The following TRDN variants were observed in gnomAD, a reference collection of about 807,000 sequenced individuals.
TRDN encodes the protein triadin in skeletal muscle.
Under a neutral mutation model 149.7 loss-of-function variants are expected in TRDN, and 161 were observed. That is an observed-to-expected ratio of 1.08 (90% CI 0.95 to 1.23). The LOEUF is 1.23. TRDN is among the 50% of genes most tolerant of loss of function. The pLI is 0.00. For synonymous variants in TRDN, 294 were observed against 250.5 expected (o/e 1.17, Z -1.64); for missense variants, 896 against 823.5 (o/e 1.09, Z -1.08).
At chr6:123,303,281 T>A (rs1036179796) in intron 24 of TRDN, among the ~76,000 whole-genome samples, 95 of 150,904 alleles carry the variant, frequency 6.3e-4, no homozygotes, top group South Asian at 2.1e-3. Flanking sequence ...AAACAGATTT[T>A]AAAAAAATTA....
intron 6 of TRDN, among the ~76,000 whole-genome samples, chr6:123,515,395 T>G (rs9372750): frequency 0.2 from 30,583 of 151,946 alleles, 3,995 homozygotes; most frequent in East Asian, 0.63. Flanking sequence ...TTAACTAGAT[T>G]ATCAGGAAAA....
intron 24 of TRDN, among the ~76,000 whole-genome samples, chr6:123,310,455 G>T (rs1778778219): frequency 6.6e-6 from 1 of 151,960 alleles, no homozygotes; most frequent in South Asian, 2.1e-4. Context: ...TGTACTTATT[G>T]CAAAATACTT....
At chr6:123,609,983 C>A (rs1010671663) in intron 1 of TRDN, among the ~76,000 whole-genome samples, 2 of 152,088 alleles carry the variant, frequency 1.3e-5, no homozygotes, top group Middle Eastern at 3.4e-3. Flanking sequence ...TACTAGAAGT[C>A]CTGAAATAAG....
intron 8 of TRDN, chr6:123,502,457 G>T: frequency 1.5e-6 from 1 of 669,158 alleles, no homozygotes; most frequent in Non-Finnish European, 1.8e-6. Flanking sequence ...AAGGTTTGTA[G>T]ATCACTAAAA....
chr6:123,530,506 C>A lies in TRDN; in HGVS notation c.484G>T (p.Val162Phe). ...EKPERKIQTK[V>F]THKEKEKGKE... ...AATAAACATAAAATGAAATGTTTAC[C>A]TTTAGTTTGTATTTTCCTTTCAGGT... The change falls in exon 5 of 41, where the codon GTT (valine) becomes TTT (phenylalanine). Residue 162 changes from valine (V) to phenylalanine (F), a missense_variant and splice_region_variant. Val to Phe is a conservative substitution (Grantham distance 50). Transcript: ENST00000334268. 8.0e-7 allele frequency: 1 copy of A among 1,245,076 alleles called. No homozygotes were observed. The highest frequency in any genetic ancestry group is 1.1e-6 in the Non-Finnish European group (1 of 931,064). 77.1% of individuals were successfully genotyped at this position (1,245,076 alleles called of 1,614,324 possible).
intron 38 of TRDN, among the ~76,000 whole-genome samples, chr6:123,237,306 G>A (rs1311685220): frequency 1.3e-5 from 2 of 151,992 alleles, no homozygotes; most frequent in Non-Finnish European, 2.9e-5. Flanking sequence ...CTGGAGTGCA[G>A]TGGCACAATC....
chr6:123,294,143 G>T (rs1778106677), intron 24 of TRDN, among the ~76,000 whole-genome samples: 1 of 152,138 alleles, frequency 6.6e-6, no homozygotes, highest in South Asian at 2.1e-4. Context: ...AGTGGATTCT[G>T]TAAAGTTAAT....
intron 28 of TRDN, 147 bp downstream of exon 28, chr6:123,273,190 A>G (rs1777261258): frequency 3.9e-6 from 3 of 773,832 alleles, no homozygotes; most frequent in Non-Finnish European, 5.8e-6. Flanking sequence ...ATTCTTATTT[A>G]CAAAATTTTT....
intron 5 of TRDN, among the ~76,000 whole-genome samples, chr6:123,519,463 T>G (rs963775383): frequency 7.4e-6 from 1 of 135,970 alleles, no homozygotes; most frequent in Non-Finnish European, 1.6e-5. Context: ...ATAATCTGCC[T>G]GACCCTGTGG....
chr6:123,634,420 G>T (rs1406708375), intron 1 of TRDN, among the ~76,000 whole-genome samples: 1 of 151,684 alleles, frequency 6.6e-6, no homozygotes, highest in Non-Finnish European at 1.5e-5. Flanking sequence ...CAATATGGGT[G>T]ACAGAGAAAA....
intron 22 of TRDN, among the ~76,000 whole-genome samples, chr6:123,332,791 G>C (rs1779710769): frequency 1.3e-5 from 2 of 151,990 alleles, no homozygotes; most frequent in African/African-American, 2.4e-5. Context: ...CAGAGACTGT[G>C]ATGGTGGTGC....
At chr6:123,451,164 G>A (rs1301433446) in intron 10 of TRDN, among the ~76,000 whole-genome samples, 2 of 151,798 alleles carry the variant, frequency 1.3e-5, no homozygotes, top group Non-Finnish European at 2.9e-5. Context: ...AGCAAAAATT[G>A]ACTTCTAAGG....
At chr6:123,512,237 T>C in intron 7 of TRDN, 66 bp downstream of exon 7, 1 of 941,702 alleles carries the variant, frequency 1.1e-6, no homozygotes, top group Non-Finnish European at 1.6e-6. Flanking sequence ...AACTATCTGT[T>C]ACCCAAAAAT....
In TRDN at chr6:123,366,160, C is replaced by A. The variant is rs1445909953; in HGVS notation, c.1296G>T (p.Glu432Asp). 1.9e-6 allele frequency: 3 copies of A among 1,612,844 alleles called. No individual in the cohort carries two copies. In the African/African-American group the frequency reaches 4.0e-5, roughly 22 times the overall value. The change falls in exon 20 of 41, where the codon GAG (glutamate) becomes GAT (aspartate). Residue 432 changes from glutamate to aspartate, a missense_variant. Physicochemically the swap from Glu to Asp is conservative, Grantham distance 45 (BLOSUM62 2). Transcript: ENST00000334268. ...VKAKTERAKE[E>D]IGAVSIKKAV... ...CTTTTTTAATTGAAACCGCACCAAT[C>A]TCCTCTTTGGCTCGTTCAGTTTCTG...
At chr6:123,465,782 C>G (rs1033175971) in intron 9 of TRDN, among the ~76,000 whole-genome samples, 47 of 152,146 alleles carry the variant, frequency 3.1e-4, no homozygotes, top group African/African-American at 1.1e-3. Context: ...CCATAAACTT[C>G]TGCTGTGTGT....
At chr6:123,571,903 C>A (rs1291569218) in intron 1 of TRDN, among the ~76,000 whole-genome samples, 2 of 151,926 alleles carry the variant, frequency 1.3e-5, no homozygotes, top group Non-Finnish European at 2.9e-5. Flanking sequence ...GTAATTTAAT[C>A]AAAAACTTTT....
intron 38 of TRDN, 106 bp downstream of exon 38, chr6:123,252,306 A>G (rs2114570405): frequency 8.7e-6 from 5 of 577,212 alleles, no homozygotes; most frequent in Non-Finnish European, 1.4e-5. Flanking sequence ...TCAGTTTAGA[A>G]TAAACTATAC....
intron 39 of TRDN, among the ~76,000 whole-genome samples, chr6:123,223,498 A>G (rs1030400831): frequency 5.9e-5 from 9 of 151,806 alleles, no homozygotes; most frequent in African/African-American, 2.2e-4. Flanking sequence ...TGAAAAAGCC[A>G]GGAACCTTTC....
chr6:123,265,263 T>C, intron 33 of TRDN, 55 bp downstream of exon 33: 1 of 1,287,586 alleles, frequency 7.8e-7, no homozygotes, highest in Non-Finnish European at 1.1e-6. Flanking sequence ...AAAGAAATTG[T>C]GAAATTAAAA....
Sources: allele counts gnomAD v4.1 joint callset (sites outside exome capture counted in the v4.1 genomes callset), GRCh38; gene constraint gnomAD v4.1.1; transcripts MANE v1.5; gene names NCBI Gene and HGNC (gene_info 2026-07-23, HGNC 2026-07-21).